Variants in ADK observed in about 807,000 individuals in gnomAD.
The protein encoded by ADK is N6,N6-dimethyladenosine kinase.
Under a neutral mutation model 44.7 loss-of-function variants are expected in ADK, and 24 were observed. The observed-to-expected ratio is 0.54, with a 90% confidence interval of 0.39 to 0.76. The LOEUF (loss-of-function observed/expected upper bound fraction) is 0.76, where lower values mean the gene tolerates loss of function less well. Among genes scored for constraint, ADK ranks in the 30% least tolerant of loss-of-function variants. The probability of loss-of-function intolerance (pLI) is 0.00; values close to 1 mark genes in which losing one functional copy is unlikely to be tolerated. For missense variants in ADK, 321 were observed against 425.1 expected, an observed-to-expected ratio of 0.76 and a Z score of 2.15; for synonymous variants, 128 against 142.6, an observed-to-expected ratio of 0.90 and a Z score of 0.73.
chr10:74,176,512 C>T, intron 1 of ADK: 12 of 1,202,336 alleles, frequency 1.0e-5, no homozygotes, highest in Non-Finnish European at 1.2e-5. Context: ...GGCGGGCACC[C>T]AATCTCTCGC....
chr10:74,217,725 G>C (rs1325876086), intron 2 of ADK, among the ~76,000 whole-genome samples: 12 of 152,170 alleles, frequency 7.9e-5, no homozygotes, highest in African/African-American at 2.9e-4. Context: ...AAAAACCACT[G>C]TTCTGCAGCC....
intron 1 of ADK, among the ~76,000 whole-genome samples, chr10:74,168,396 G>A (rs114309489): frequency 0.071 from 10,716 of 151,516 alleles, 1,305 homozygotes; most frequent in African/African-American, 0.25. Context: ...AAAAATTAGC[G>A]GGGCATGGTG....
At chr10:74,193,214 A>G (rs899481514) in intron 1 of ADK, among the ~76,000 whole-genome samples, 4 of 152,042 alleles carry the variant, frequency 2.6e-5, no homozygotes, top group African/African-American at 9.7e-5. Context: ...GTGTCTTAAT[A>G]TAGCCACTGT....
intron 9 of ADK, among the ~76,000 whole-genome samples, chr10:74,661,023 C>T (rs1854702764): frequency 6.6e-6 from 1 of 151,858 alleles, no homozygotes; most frequent in South Asian, 2.1e-4. Context: ...CAGAGCAAGA[C>T]TCTGTCTCAA....
At chr10:74,294,083 A>G (rs151166283) in intron 3 of ADK, among the ~76,000 whole-genome samples, 27 of 152,182 alleles carry the variant, frequency 1.8e-4, no homozygotes, top group African/African-American at 6.3e-4. Context: ...CTTTATCCAC[A>G]TTGTTGAACA....
chr10:74,205,413 C>T (rs191617987), intron 2 of ADK, among the ~76,000 whole-genome samples: 155 of 152,158 alleles, frequency 1.0e-3, no homozygotes, highest in African/African-American at 3.6e-3. Flanking sequence ...TGGTGGCTCA[C>T]GCCTGTAATC....
chr10:74,437,932 C>T (rs1845241777), intron 6 of ADK, among the ~76,000 whole-genome samples: 1 of 152,172 alleles, frequency 6.6e-6, no homozygotes, highest in Admixed American at 6.5e-5. Flanking sequence ...AAAAGTCCTT[C>T]ACTCTTACTC....
intron 10 of ADK, among the ~76,000 whole-genome samples, chr10:74,701,574 C>T (rs1222267806): frequency 1.3e-5 from 2 of 152,212 alleles, no homozygotes; most frequent in African/African-American, 4.8e-5. Context: ...GCCTGAACGG[C>T]TCCCACTGGC....
intron 7 of ADK, among the ~76,000 whole-genome samples, chr10:74,567,053 C>T (rs1850696066): frequency 6.6e-6 from 1 of 152,134 alleles, no homozygotes; most frequent in African/African-American, 2.4e-5. Flanking sequence ...CAGTTTGTAT[C>T]TTGCCCAAAG....
chr10:74,701,813 C>G (rs1027561864), intron 10 of ADK, among the ~76,000 whole-genome samples: 1 of 152,076 alleles, frequency 6.6e-6, no homozygotes, highest in African/African-American at 2.4e-5. Flanking sequence ...GGCATGGTGG[C>G]TCATGTAGTC....
At chr10:74,644,686 C>T (rs1408516012) in intron 9 of ADK, among the ~76,000 whole-genome samples, 2 of 152,076 alleles carry the variant, frequency 1.3e-5, no homozygotes, top group African/African-American at 4.8e-5. Context: ...AGTGACACCA[C>T]ACCCAGCTAA....
chr10:74,250,053 A>T (rs1166931736), intron 3 of ADK, among the ~76,000 whole-genome samples: 1 of 152,172 alleles, frequency 6.6e-6, no homozygotes, highest in Admixed American at 6.5e-5. Context: ...CTCCCTATTC[A>T]TCCATTTACC....
Position 74,367,379 on chromosome 10 carries a change from A to G in ADK, c.274-26762A>G, listed in dbSNP as rs903033977. Among the ~76,000 whole-genome samples, 4 of 152,242 alleles carry G rather than the reference A, an allele frequency of 2.6e-5. No homozygotes were observed. In the East Asian group the frequency reaches 7.7e-4, roughly 29 times the overall value. ...AGTTGGAATGGACTTCAGGAGGTCC[A>G]TAAGTCCATGAAATTACAGTTTTTT... On this transcript the variant is annotated intron_variant, in intron 4 of 10. Coordinates refer to ENST00000539909, the MANE Select transcript of ADK (RefSeq NM_006721.4).
chr10:74,182,462 G>A (rs560432550), intron 1 of ADK, among the ~76,000 whole-genome samples: 40 of 151,968 alleles, frequency 2.6e-4, no homozygotes, highest in African/African-American at 7.2e-4. Context: ...TCCGCCTCCC[G>A]GGTTCAAGCA....
chr10:74,205,738 A>G (rs1843572616), intron 2 of ADK, among the ~76,000 whole-genome samples: 1 of 151,974 alleles, frequency 6.6e-6, no homozygotes, highest in Non-Finnish European at 1.5e-5. Flanking sequence ...AAACTAACAT[A>G]ACAGTCTAAG....
intron 7 of ADK, among the ~76,000 whole-genome samples, chr10:74,578,441 A>T (rs1281022812): frequency 6.6e-6 from 1 of 151,834 alleles, no homozygotes; most frequent in Non-Finnish European, 1.5e-5. Flanking sequence ...CCTAGCAAAC[A>T]TTTTTTTTAA....
chr10:74,457,718 G>A (rs1846006163), intron 6 of ADK, among the ~76,000 whole-genome samples: 1 of 152,132 alleles, frequency 6.6e-6, no homozygotes, highest in East Asian at 1.9e-4. Flanking sequence ...TCCTTTGCAG[G>A]GACATGGATA....
chr10:74,613,031 C>T (rs1441133665), intron 9 of ADK, among the ~76,000 whole-genome samples: 1 of 151,782 alleles, frequency 6.6e-6, no homozygotes, highest in Non-Finnish European at 1.5e-5. Flanking sequence ...GTTACTATAC[C>T]CTAGTAGTAT....
At chr10:74,471,231 C>T (rs976073695) in intron 6 of ADK, among the ~76,000 whole-genome samples, 3 of 151,946 alleles carry the variant, frequency 2.0e-5, no homozygotes, top group South Asian at 2.1e-4. Flanking sequence ...CCTGCCACCA[C>T]GCCTGGCTAA....
Sources: allele counts gnomAD v4.1 joint callset (sites outside exome capture counted in the v4.1 genomes callset), GRCh38; gene constraint gnomAD v4.1.1; transcripts MANE v1.5; gene names NCBI Gene and HGNC (gene_info 2026-07-23, HGNC 2026-07-21).